The following ZNF644 variants were observed in gnomAD, a reference collection of about 807,000 sequenced individuals.
ZNF644 encodes the protein zinc finger motif enhancer binding protein 2.
ZNF644 carries 20 observed loss-of-function variants against 108.0 expected under a neutral mutation model. The ratio of observed to expected loss-of-function variants is 0.19; its 90% CI spans 0.13 to 0.27. The LOEUF (loss-of-function observed/expected upper bound fraction) is 0.27. Among genes scored for constraint, ZNF644 ranks in the 10% least tolerant of loss-of-function variants. The probability of loss-of-function intolerance (pLI) is 1.00; values close to 1 mark genes in which losing one functional copy is unlikely to be tolerated. For synonymous variants in ZNF644, 542 were observed against 539.1 expected (o/e 1.01, Z -0.08); for missense variants, 1,338 against 1,548.9 (o/e 0.86, Z 2.29).
At position 90,918,142 on chromosome 1, in the gene ZNF644, T is replaced by G; in HGVS notation, c.3701A>C (p.Lys1234Thr). ...AGATCTTGACCTTGATTTCTTTTGC[T>G]TACAATCTAAGGCTAAAAAGGGGAA... ...DLTMHSALDCKQKKSRSRSGS... is the reference protein window; with the variant it reads ...DLTMHSALDCTQKKSRSRSGS... The change falls in exon 5 of 6, where the codon AAG (lysine) becomes ACG (threonine). Residue 1234 changes from lysine to threonine, a missense_variant. This residue lies in a region of ZNF644 where 287 missense variants were observed against 310.9 expected (regional missense o/e 0.92). Transcript: ENST00000337393. 6.2e-7 allele frequency: 1 copy of G among 1,613,816 alleles called. No individual in the cohort carries two copies. The highest frequency in any genetic ancestry group is 8.5e-7 in the Non-Finnish European group (1 of 1,179,762).
At chr1:90,982,187 G>A (rs1656616712) in intron 2 of ZNF644, 123 bp downstream of exon 2, 1 of 752,184 alleles carries the variant, frequency 1.3e-6, no homozygotes, top group Non-Finnish European at 2.2e-6. Context: ...TCAATTATTT[G>A]CATTTCAAAA....
At chr1:90,977,622 T>C (rs558319056) in intron 2 of ZNF644, among the ~76,000 whole-genome samples, 1 of 152,326 alleles carries the variant, frequency 6.6e-6, no homozygotes, top group Admixed American at 6.5e-5. Context: ...AAAACAGATA[T>C]TCTCATAAAC....
intron 2 of ZNF644, among the ~76,000 whole-genome samples, chr1:90,944,636 T>C (rs1018911893): frequency 6.6e-6 from 1 of 151,706 alleles, no homozygotes; most frequent in Non-Finnish European, 1.5e-5. Flanking sequence ...GATACAACCT[T>C]CCTGTCATCA....
At chr1:91,012,841 T>TA (rs76724585) in intron 1 of ZNF644, among the ~76,000 whole-genome samples, 18,914 of 151,644 alleles carry the variant, frequency 0.12, 1,212 homozygotes, top group South Asian at 0.16. Flanking sequence ...ATGTTATACC[T>TA]AAAAAAAATA....
intron 2 of ZNF644, among the ~76,000 whole-genome samples, chr1:90,967,800 C>A (rs1655068750): frequency 1.3e-5 from 2 of 151,318 alleles, no homozygotes; most frequent in Non-Finnish European, 1.5e-5. Flanking sequence ...GTAATCCCAG[C>A]ACTTTGGGAG....
chr1:90,950,324 CAAAAG>C (rs749730687), intron 2 of ZNF644, among the ~76,000 whole-genome samples: 2,186 of 63,568 alleles, frequency 0.034, 74 homozygotes, highest in African/African-American at 0.11. Context: ...GAAAAGAAAA[CAAAAG>C]AAAAGAAAAG....
chr1:90,994,354 A>G (rs1393580734), intron 1 of ZNF644, among the ~76,000 whole-genome samples: 1 of 152,212 alleles, frequency 6.6e-6, no homozygotes, highest in East Asian at 1.9e-4. Context: ...GAGACCCCAC[A>G]AGCACACAAA....
At chr1:90,942,785 C>A (rs1031192735) in intron 2 of ZNF644, among the ~76,000 whole-genome samples, 2 of 152,090 alleles carry the variant, frequency 1.3e-5, no homozygotes, top group Non-Finnish European at 2.9e-5. Context: ...ATTTGGCAAC[C>A]CCAGGTATTA....
At chr1:90,950,795 C>T (rs1406266964) in intron 2 of ZNF644, among the ~76,000 whole-genome samples, 1 of 152,154 alleles carries the variant, frequency 6.6e-6, no homozygotes. Context: ...AAAGTACAGA[C>T]AGACTTCTCA....
chr1:91,019,980 C>G (rs1036727510), intron 1 of ZNF644, among the ~76,000 whole-genome samples: 1 of 152,120 alleles, frequency 6.6e-6, no homozygotes, highest in Admixed American at 6.5e-5. Context: ...TGTAGATATT[C>G]ACCTTCTCAT....
chr1:90,974,866 C>T (rs1008440732), intron 2 of ZNF644, among the ~76,000 whole-genome samples: 1 of 152,196 alleles, frequency 6.6e-6, no homozygotes, highest in African/African-American at 2.4e-5. Flanking sequence ...ATAGCCCAGC[C>T]TTACTCTCTC....
chr1:90,937,647 T>C lies in ZNF644; in HGVS notation c.3526A>G (p.Lys1176Glu). ...CTTTCTTCTCCCATCCTTTTATTTT[T>C]AAGAAGTTCTATGAGTGTAAGAGAC... Reference protein sequence around the residue: ...NQSLTLIELLKNKRMGEERNS... With the variant: ...NQSLTLIELLENKRMGEERNS... The change falls in exon 4 of 6, where the codon AAA becomes GAA. Residue 1176 changes from lysine to glutamate, a missense_variant. Around this residue, in one of 6 missense-constraint regions of ZNF644, gnomAD observed 287 missense variants for 310.9 expected, o/e 0.92. Coordinates refer to ENST00000337393, the MANE Select transcript of ZNF644 (RefSeq NM_201269.3). 1 of 1,613,974 alleles carries C rather than the reference T, an allele frequency of 6.2e-7. No individual in the cohort carries two copies. Among genetic ancestry groups the C allele is most frequent in the Non-Finnish European group, 8.5e-7 (1 of 1,179,894 alleles).
chr1:90,933,020 T>C (rs1650914480), intron 4 of ZNF644, among the ~76,000 whole-genome samples: 1 of 152,210 alleles, frequency 6.6e-6, no homozygotes, highest in African/African-American at 2.4e-5. Flanking sequence ...GACCTAAACA[T>C]ATTCCCAGTC....
At chr1:90,922,800 G>A (rs745633252) in intron 4 of ZNF644, among the ~76,000 whole-genome samples, 94 of 151,794 alleles carry the variant, frequency 6.2e-4, no homozygotes, top group Non-Finnish European at 8.2e-4. Flanking sequence ...ATGTGTTCTC[G>A]TTGTTTAGCC....
rs182017374 is a variant in ZNF644, at chr1:91,007,759, T to C, written c.-18+14231A>G. On this transcript the variant is annotated intron_variant, in intron 1 of 5. Transcript: ENST00000337393. ...ATAGCATCCTTTCTTGTTTCAAAGA[T>C]GCAATACCTTTACTTCTGAAGAAAT... Among the ~76,000 whole-genome samples the C allele has an allele frequency of 2.0e-4, 31 of 152,332 alleles. No homozygotes were observed. In the East Asian group the frequency reaches 5.4e-3, roughly 27 times the overall value.
chr1:90,939,353 T>G lies in ZNF644; in HGVS notation c.2001A>C (p.Ser667=), dbSNP rs1300246363. 1 of 1,614,088 alleles carries G rather than the reference T, an allele frequency of 6.2e-7. No homozygotes were observed. Among genetic ancestry groups the G allele is most frequent in the Non-Finnish European group, 8.5e-7 (1 of 1,179,964 alleles). ...LKQDVKRTFG[S]TSQSSSFSKI... ...TTGAAAAACTACTTGATTGTGAGGTTGATCCAAATGTTCGCTTCACATCTT... is the reference window on the plus strand; with the variant it reads ...TTGAAAAACTACTTGATTGTGAGGTGGATCCAAATGTTCGCTTCACATCTT... Residue 667 remains serine, a synonymous_variant, in exon 3 of 6, where the codon TCA becomes TCC. Transcript: ENST00000337393.
At chr1:91,014,955 A>G (rs554614245) in intron 1 of ZNF644, among the ~76,000 whole-genome samples, 1 of 152,314 alleles carries the variant, frequency 6.6e-6, no homozygotes, top group African/African-American at 2.4e-5. Flanking sequence ...CCTCACATGT[A>G]AAGTGGGAAT....
At chr1:90,917,936 A>C in intron 5 of ZNF644, 116 bp downstream of exon 5, 3 of 843,230 alleles carry the variant, frequency 3.6e-6, no homozygotes, top group Non-Finnish European at 6.0e-6. Context: ...GTTCATTTAT[A>C]ACTTGATTGT....
intron 1 of ZNF644, among the ~76,000 whole-genome samples, chr1:90,990,244 T>TA (rs1657509190): frequency 6.6e-6 from 1 of 152,152 alleles, no homozygotes; most frequent in Admixed American, 6.6e-5. Context: ...ACAATGTAAA[T>TA]ACACTTAACA....
Sources: gnomAD v4.1 joint callset for allele counts (sites outside exome capture counted in the v4.1 genomes callset) on GRCh38, gnomAD v4.1.1 for gene constraint, gnomAD v4.1.1 regional missense constraint, MANE v1.5 for transcripts, NCBI Gene and HGNC (gene_info 2026-07-23, HGNC 2026-07-21) for gene names.